The following RUBCNL variants were observed in gnomAD, a reference collection of about 807,000 sequenced individuals.
The protein encoded by RUBCNL is protein associated with UVRAG as autophagy enhancer.
In RUBCNL, 62 loss-of-function variants were observed where a neutral mutation model predicts 69.5. The ratio of observed to expected loss-of-function variants is 0.89; its 90% CI spans 0.73 to 1.10. The LOEUF (loss-of-function observed/expected upper bound fraction) is 1.10. Among genes scored for constraint, RUBCNL ranks in the 50% least tolerant of loss-of-function variants. RUBCNL has a pLI of 0.00. For synonymous variants in RUBCNL, 291 were observed against 303.6 expected (o/e 0.96, Z 0.43); for missense variants, 768 against 798.1 (o/e 0.96, Z 0.45).
At chr13:46,361,022 G>A (rs2048597575) in intron 8 of RUBCNL, among the ~76,000 whole-genome samples, 1 of 152,154 alleles carries the variant, frequency 6.6e-6, no homozygotes. Context: ...TCAGGAGTTG[G>A]AAACCAGCTG....
intron 2 of RUBCNL, among the ~76,000 whole-genome samples, chr13:46,375,102 C>G (rs748545715): frequency 1.3e-5 from 2 of 152,222 alleles, no homozygotes; most frequent in Non-Finnish European, 2.9e-5. Context: ...TCCCACCTAA[C>G]TGTAAGCTTC....
In RUBCNL at chr13:46,337,708, G is replaced by C. The variant is rs1049076147; in HGVS notation, c.*5677C>G. ...CTCATCCCCTGGACAACAGGTATCA[G>C]GACATCTTATGTTAGTCAGAGTAGG... On this transcript the variant is annotated 3_prime_UTR_variant, in exon 15 of 15. Transcript: ENST00000429979. Among the ~76,000 whole-genome samples the C allele has an allele frequency of 1.3e-5, 2 of 152,174 alleles. No homozygotes were observed. The highest frequency in any genetic ancestry group is 1.3e-4 in the Admixed American group (2 of 15,274).
chr13:46,376,271 G>GTA (rs949160685), intron 2 of RUBCNL, among the ~76,000 whole-genome samples: 14 of 151,606 alleles, frequency 9.2e-5, no homozygotes, highest in African/African-American at 2.9e-4. Flanking sequence ...ATGTGTGTGT[G>GTA]TATATATATA....
In RUBCNL at chr13:46,361,423, A is replaced by G; in HGVS notation, c.1119+18T>C. On this transcript the variant is annotated intron_variant, in intron 8 of 14. Transcript: ENST00000429979. ...TTTAGGAACTTTCAATTCAAGGTCA[A>G]TTTTTTTTGATACTTACTATCGAGC... The G allele has an allele frequency of 6.2e-7, 1 of 1,610,048 alleles. No homozygotes were observed. Among genetic ancestry groups the G allele is most frequent in the Non-Finnish European group, 8.5e-7 (1 of 1,177,540 alleles).
intron 8 of RUBCNL, among the ~76,000 whole-genome samples, chr13:46,360,045 G>A (rs1357285078): frequency 6.6e-6 from 1 of 152,138 alleles, no homozygotes; most frequent in Non-Finnish European, 1.5e-5. Flanking sequence ...GCTTACAAAT[G>A]TTCAGTGCCT....
intron 10 of RUBCNL, among the ~76,000 whole-genome samples, chr13:46,353,660 T>C (rs777943713): frequency 3.2e-4 from 49 of 152,326 alleles, no homozygotes; most frequent in Non-Finnish European, 6.6e-4. Context: ...ACAAAGTCCA[T>C]GGTACTGAAG....
intron 3 of RUBCNL, among the ~76,000 whole-genome samples, chr13:46,369,128 G>A (rs1383974841): frequency 6.6e-6 from 1 of 152,148 alleles, no homozygotes; most frequent in African/African-American, 2.4e-5. Context: ...CAGGGGCTGG[G>A]GTAAAGTGAG....
chr13:46,348,384 G>A (rs577628613), intron 12 of RUBCNL, among the ~76,000 whole-genome samples: 48 of 152,144 alleles, frequency 3.2e-4, no homozygotes, highest in African/African-American at 1.1e-3. Flanking sequence ...TAATAAAAAG[G>A]TCACTGGCTA....
chr13:46,352,446 G>A (rs115611399), intron 10 of RUBCNL, among the ~76,000 whole-genome samples: 4,039 of 152,304 alleles, frequency 0.027, 86 homozygotes, highest in East Asian at 0.098. Flanking sequence ...GGATGGGAAA[G>A]CAGCTGCTGT....
chr13:46,342,536 T>C lies in RUBCNL; in HGVS notation c.*849A>G, dbSNP rs914488016. On this transcript the variant is annotated 3_prime_UTR_variant, in exon 15 of 15. Transcript: ENST00000429979. ...TGATTCATTTAACCTTATTAGTCAA[T>C]GTCTATGATTTTAATGTTATTACTA... The C allele has an allele frequency of 6.6e-6, 1 of 152,210 alleles. No individual in the cohort carries two copies. Among genetic ancestry groups the C allele is most frequent in the Admixed American group, 6.5e-5 (1 of 15,284 alleles). The allele number at this position is 152,210 out of a possible 1,614,324, so 9.4% of individuals were successfully genotyped here.
chr13:46,375,765 T>C (rs1308791489), intron 2 of RUBCNL, among the ~76,000 whole-genome samples: 1 of 152,160 alleles, frequency 6.6e-6, no homozygotes. Context: ...GAGGGCCCTA[T>C]ATTTTAGTTT....
intron 6 of RUBCNL, among the ~76,000 whole-genome samples, chr13:46,362,890 G>A (rs747883786): frequency 2.5e-5 from 3 of 120,708 alleles, no homozygotes; most frequent in Non-Finnish European, 5.1e-5. Context: ...TGAGATGAGA[G>A]ATTAGCTATC....
At chr13:46,353,649 G>A (rs895152016) in intron 10 of RUBCNL, among the ~76,000 whole-genome samples, 3 of 152,138 alleles carry the variant, frequency 2.0e-5, no homozygotes, top group African/African-American at 4.8e-5. Flanking sequence ...GACCCCCCAC[G>A]ACAAAGTCCA....
chr13:46,371,163 G>T (rs994387792), intron 3 of RUBCNL, among the ~76,000 whole-genome samples: 6 of 152,166 alleles, frequency 3.9e-5, no homozygotes, highest in African/African-American at 1.2e-4. Context: ...GAAATAGACA[G>T]GCAGGCAGCA....
intron 1 of RUBCNL, among the ~76,000 whole-genome samples, chr13:46,384,358 G>A (rs1409253188): frequency 4.6e-5 from 7 of 151,960 alleles, no homozygotes; most frequent in Non-Finnish European, 7.4e-5. Flanking sequence ...CTAGCTTGTC[G>A]GAATAAAAGA....
chr13:46,368,017 G>C lies in RUBCNL; in HGVS notation c.826+25C>G, dbSNP rs185719623. 7 of 1,598,508 alleles carry C rather than the reference G, an allele frequency of 4.4e-6. No homozygotes were observed. The East Asian group carries it at 1.3e-4, about 31-fold the overall frequency. ...ATATATGTGAAACACATAACATACA[G>C]CTTTCTCATATTTGCCCAACTTGCC... On this transcript the variant is annotated intron_variant, in intron 5 of 14. Coordinates refer to ENST00000429979, the MANE Select transcript of RUBCNL (RefSeq NM_025113.5).
rs2048099628 is a variant in RUBCNL, at chr13:46,335,421, T to A, written c.*7964A>T. Among the ~76,000 whole-genome samples, 1 of 152,000 alleles carries A rather than the reference T, an allele frequency of 6.6e-6. No homozygotes were observed. Among genetic ancestry groups the A allele is most frequent in the Non-Finnish European group, 1.5e-5 (1 of 67,998 alleles). Reference sequence around the variant, plus strand: ...CCACCCAACTTAATTTTAAATTAAGTCTTCAGAGGGTTTAATCCACGGAGA... The same window carrying A: ...CCACCCAACTTAATTTTAAATTAAGACTTCAGAGGGTTTAATCCACGGAGA... On this transcript the variant is annotated 3_prime_UTR_variant, in exon 15 of 15. Transcript: ENST00000429979.
In RUBCNL at chr13:46,383,103, C is replaced by T. The variant is rs555294005; in HGVS notation, c.-239+4031G>A. ...CACAACTGGCCATGTTGATAACTGC[C>T]GAAGCTGGGAGAAGGGAGAAGGTTG... On this transcript the variant is annotated intron_variant, in intron 1 of 14. Transcript: ENST00000429979. Among the ~76,000 whole-genome samples the T allele has an allele frequency of 9.9e-5, 15 of 152,236 alleles. No individual in the cohort carries two copies. In the South Asian group the frequency reaches 2.9e-3, roughly 29 times the overall value.
chr13:46,387,432 C>T, upstream of RUBCNL: 1 of 985,492 alleles, frequency 1.0e-6, no homozygotes, highest in African/African-American at 1.7e-5. Context: ...CGCTCCTACA[C>T]CGGTGCCGCG....
Sources: gnomAD v4.1 joint callset for allele counts (sites outside exome capture counted in the v4.1 genomes callset) on GRCh38, gnomAD v4.1.1 for gene constraint, MANE v1.5 for transcripts, NCBI Gene and HGNC (gene_info 2026-07-23, HGNC 2026-07-21) for gene names.